The following PLD5 variants were observed in gnomAD, a reference collection of about 807,000 sequenced individuals.
PLD5 encodes inactive phospholipase D5.
PLD5 carries 36 observed loss-of-function variants against 61.1 expected under a neutral mutation model. The observed-to-expected ratio is 0.59, with a 90% confidence interval of 0.45 to 0.78. The LOEUF (loss-of-function observed/expected upper bound fraction) is 0.78, where lower values mean the gene tolerates loss of function less well. PLD5 is among the 30% of genes least tolerant of loss of function. The pLI is 0.00. For synonymous variants in PLD5, 243 were observed against 242.8 expected, an observed-to-expected ratio of 1.00 and a Z score of -0.01; for missense variants, 515 against 644.4, an observed-to-expected ratio of 0.80 and a Z score of 2.17.
chr1:242,201,443 A>C (rs1477390910), intron 5 of PLD5, among the ~76,000 whole-genome samples: 2 of 152,196 alleles, frequency 1.3e-5, no homozygotes, highest in Non-Finnish European at 2.9e-5. Flanking sequence ...CTTTGTTAAT[A>C]TAGTTGTTAA....
At chr1:242,492,137 C>A (rs1668175836) in intron 1 of PLD5, among the ~76,000 whole-genome samples, 1 of 152,064 alleles carries the variant, frequency 6.6e-6, no homozygotes, top group South Asian at 2.1e-4. Context: ...TGAACACAGC[C>A]AAGAGTTCTA....
At chr1:242,449,199 G>C (rs1448594603) in intron 1 of PLD5, among the ~76,000 whole-genome samples, 2 of 152,190 alleles carry the variant, frequency 1.3e-5, no homozygotes, top group African/African-American at 4.8e-5. Flanking sequence ...CTGGTGAAAA[G>C]AGTGTTCCTG....
intron 4 of PLD5, among the ~76,000 whole-genome samples, chr1:242,234,844 G>T (rs1281792809): frequency 6.6e-6 from 1 of 152,042 alleles, no homozygotes; most frequent in East Asian, 1.9e-4. Context: ...TGAGAGAAAG[G>T]CTCTGAAGAA....
At chr1:242,328,996 A>T (rs1658999720) in intron 2 of PLD5, among the ~76,000 whole-genome samples, 1 of 135,840 alleles carries the variant, frequency 7.4e-6, no homozygotes, top group South Asian at 2.6e-4. Flanking sequence ...TTTCCTGCAA[A>T]TTTTTTGTTT....
chr1:242,226,167 G>T (rs1266855982), intron 4 of PLD5, among the ~76,000 whole-genome samples: 1 of 152,054 alleles, frequency 6.6e-6, no homozygotes, highest in East Asian at 1.9e-4. Flanking sequence ...TATTAAGTAT[G>T]ATTAACCATT....
At chr1:242,485,105 A>C (rs201671802) in intron 1 of PLD5, among the ~76,000 whole-genome samples, 6,584 of 152,254 alleles carry the variant, frequency 0.043, 226 homozygotes, top group Middle Eastern at 0.061. Flanking sequence ...CCAATATCAT[A>C]CTGAATGGGC....
At chr1:242,416,053 C>T (rs1245273916) in intron 1 of PLD5, among the ~76,000 whole-genome samples, 1 of 151,724 alleles carries the variant, frequency 6.6e-6, no homozygotes, top group Non-Finnish European at 1.5e-5. Context: ...TGTGTTGAAA[C>T]TCTTAAACTT....
chr1:242,282,493 T>A (rs889594786), intron 3 of PLD5, among the ~76,000 whole-genome samples: 6 of 152,188 alleles, frequency 3.9e-5, no homozygotes, highest in African/African-American at 1.2e-4. Flanking sequence ...TGTTTGATTT[T>A]AAAAAATCAT....
chr1:242,176,293 C>T (rs566421759), intron 5 of PLD5, among the ~76,000 whole-genome samples: 12 of 152,280 alleles, frequency 7.9e-5, no homozygotes, highest in African/African-American at 2.9e-4. Context: ...ACATCTACAA[C>T]CACCTGATCT....
chr1:242,400,711 T>TGA lies in PLD5; in HGVS notation c.190-52470_190-52469insTC, dbSNP rs1663882115. Among the ~76,000 whole-genome samples the TGA allele has an allele frequency of 2.0e-5, 3 of 152,180 alleles. No homozygotes were observed. In the South Asian group the frequency reaches 6.2e-4, roughly 32 times the overall value. Reference sequence around the variant, plus strand: ...TTCTCTGATTCCAAGTCCCGGGATCTTTTCCCACCACCCGCCTGCTTTTCC... The same window carrying TGA: ...TTCTCTGATTCCAAGTCCCGGGATCTGATTTCCCACCACCCGCCTGCTTTTCC... On this transcript the variant is annotated intron_variant, in intron 1 of 9. Coordinates refer to ENST00000536534, the MANE Select transcript of PLD5 (RefSeq NM_001372062.1).
At chr1:242,109,025 A>C (rs1236275816) in intron 7 of PLD5, among the ~76,000 whole-genome samples, 1 of 152,176 alleles carries the variant, frequency 6.6e-6, no homozygotes, top group Non-Finnish European at 1.5e-5. Flanking sequence ...TCCACGCTAC[A>C]GTTTTCTTTG....
chr1:242,137,906 A>G (rs1005954791), intron 5 of PLD5, among the ~76,000 whole-genome samples: 1 of 152,210 alleles, frequency 6.6e-6, no homozygotes, highest in Non-Finnish European at 1.5e-5. Context: ...TGGATTGAAA[A>G]TGAAAGTTTA....
chr1:242,486,920 A>G (rs368511133), intron 1 of PLD5, among the ~76,000 whole-genome samples: 6,522 of 152,150 alleles, frequency 0.043, 213 homozygotes, highest in Middle Eastern at 0.061. Context: ...AGGGACATGG[A>G]TGAAGCTGGA....
chr1:242,237,311 A>C (rs1671697714), intron 4 of PLD5, among the ~76,000 whole-genome samples: 1 of 125,826 alleles, frequency 7.9e-6, no homozygotes, highest in African/African-American at 2.6e-5. Flanking sequence ...TTATAAAATG[A>C]GTTAAGAAAA....
At chr1:242,159,702 G>A (rs1574418197) in intron 5 of PLD5, among the ~76,000 whole-genome samples, 1 of 152,264 alleles carries the variant, frequency 6.6e-6, no homozygotes, top group Middle Eastern at 3.4e-3. Context: ...GTTTCTACCA[G>A]TAGCTTAATG....
intron 1 of PLD5, among the ~76,000 whole-genome samples, chr1:242,359,129 A>G (rs1660925620): frequency 1.3e-5 from 2 of 152,102 alleles, no homozygotes; most frequent in Admixed American, 1.3e-4. Flanking sequence ...GCTTTCATCA[A>G]GATCTACCCA....
At chr1:242,166,271 C>G (rs1477580188) in intron 5 of PLD5, among the ~76,000 whole-genome samples, 1 of 152,198 alleles carries the variant, frequency 6.6e-6, no homozygotes, top group African/African-American at 2.4e-5. Context: ...CTCCTGGTCA[C>G]AGGTGGGACA....
At chr1:242,308,943 GGGAGGATGGAA>G (rs1676532953) in intron 2 of PLD5, among the ~76,000 whole-genome samples, 1 of 152,136 alleles carries the variant, frequency 6.6e-6, no homozygotes, top group Non-Finnish European at 1.5e-5. Context: ...TGTGTGGGAG[GGGAGGATGGAA>G]GGAGGAGCGG....
At chr1:242,131,654 A>G (rs1233481993) in intron 5 of PLD5, among the ~76,000 whole-genome samples, 1 of 152,136 alleles carries the variant, frequency 6.6e-6, no homozygotes, top group East Asian at 1.9e-4. Flanking sequence ...TTTCATCTTC[A>G]GGAAGGATTA....
Sources: allele counts gnomAD v4.1 joint callset (sites outside exome capture counted in the v4.1 genomes callset), GRCh38; gene constraint gnomAD v4.1.1; transcripts MANE v1.5; gene names NCBI Gene and HGNC (gene_info 2026-07-23, HGNC 2026-07-21).